KANK1: variants seen among roughly 807,000 people sequenced by gnomAD.
The protein encoded by KANK1 is KN motif and ankyrin repeat domains 1, also known as KN motif and ankyrin repeat domain-containing protein 1.
A neutral mutation model predicts 106.2 loss-of-function variants in KANK1; 109 were observed. The ratio of observed to expected loss-of-function variants is 1.03; its 90% CI spans 0.88 to 1.20. The LOEUF (loss-of-function observed/expected upper bound fraction) is 1.20. KANK1 is among the 50% of genes most tolerant of loss of function. The pLI is 0.00. For synonymous variants in KANK1, 873 were observed against 652.2 expected, an observed-to-expected ratio of 1.34 and a Z score of -5.16; for missense variants, 2,399 against 1,710.7, an observed-to-expected ratio of 1.40 and a Z score of -7.10.
intron 1 of KANK1, among the ~76,000 whole-genome samples, chr9:540,105 T>G (rs2060514767): frequency 6.6e-6 from 1 of 152,226 alleles, no homozygotes; most frequent in Non-Finnish European, 1.5e-5. Context: ...GCATCCTGTT[T>G]TGCTCCTGAT....
intron 1 of KANK1, among the ~76,000 whole-genome samples, chr9:659,433 C>A (rs1842830069): frequency 6.6e-6 from 1 of 152,092 alleles, no homozygotes; most frequent in African/African-American, 2.4e-5. Flanking sequence ...CTGGGATGGG[C>A]CCCAAAATTT....
At chr9:659,641 A>G (rs1842874639) in intron 1 of KANK1, among the ~76,000 whole-genome samples, 1 of 152,070 alleles carries the variant, frequency 6.6e-6, no homozygotes, top group Non-Finnish European at 1.5e-5. Context: ...GGAAACTTAC[A>G]GTCATGGTGG....
chr9:562,707 C>G (rs1816806394), intron 1 of KANK1, among the ~76,000 whole-genome samples: 1 of 152,164 alleles, frequency 6.6e-6, no homozygotes, highest in Non-Finnish European at 1.5e-5. Context: ...AAATGCTTTA[C>G]AAATATTAGT....
intron 3 of KANK1, among the ~76,000 whole-genome samples, chr9:729,597 C>A (rs902648859): frequency 6.6e-6 from 1 of 152,120 alleles, no homozygotes. Flanking sequence ...TCAGCCAGTA[C>A]CAGGTTATGG....
At chr9:519,747 G>A (rs2059461648) in intron 1 of KANK1, among the ~76,000 whole-genome samples, 1 of 151,716 alleles carries the variant, frequency 6.6e-6, no homozygotes, top group Admixed American at 6.6e-5. Flanking sequence ...CTTTGGAATG[G>A]TGAGCTGTTG....
In KANK1 at chr9:661,653, C is replaced by T. The variant is rs551157469; in HGVS notation, c.-83-15237C>T. 2.0e-5 allele frequency among the ~76,000 whole-genome samples: 3 copies of T among 152,232 alleles called. No homozygotes were observed. In the South Asian group the frequency reaches 6.2e-4, roughly 32 times the overall value. On this transcript the variant is annotated intron_variant, in intron 1 of 11. Transcript: ENST00000382297. Reference sequence around the variant, plus strand: ...GGGTATATATCCAGTAATGGGATCACTGGGTCAAGTGGTATTTCTAATTCT... The same window carrying T: ...GGGTATATATCCAGTAATGGGATCATTGGGTCAAGTGGTATTTCTAATTCT...
chr9:583,258 C>G (rs534999801), intron 1 of KANK1, among the ~76,000 whole-genome samples: 118 of 152,190 alleles, frequency 7.8e-4, no homozygotes, highest in African/African-American at 2.8e-3. Context: ...ACTTTATTGT[C>G]TATGGGTATC....
At chr9:577,945 G>C (rs965241045) in intron 1 of KANK1, among the ~76,000 whole-genome samples, 1 of 152,158 alleles carries the variant, frequency 6.6e-6, no homozygotes, top group Non-Finnish European at 1.5e-5. Context: ...GCCCCAAAGA[G>C]TGCTAGTTGT....
chr9:501,613 T>TACATACAC (rs1554722125), upstream of KANK1, among the ~76,000 whole-genome samples: 5 of 148,432 alleles, frequency 3.4e-5, no homozygotes, highest in Non-Finnish European at 6.0e-5. Context: ...CGCACAGACA[T>TACATACAC]ACACACACAC....
At chr9:581,274 G>A (rs754483331) in intron 1 of KANK1, among the ~76,000 whole-genome samples, 1 of 152,182 alleles carries the variant, frequency 6.6e-6, no homozygotes, top group African/African-American at 2.4e-5. Flanking sequence ...AGGGGGCGCC[G>A]AGAGCAGGCA....
chr9:655,103 C>G (rs1184423562), intron 1 of KANK1, among the ~76,000 whole-genome samples: 1 of 152,108 alleles, frequency 6.6e-6, no homozygotes, highest in East Asian at 1.9e-4. Flanking sequence ...GGCGTGGTAG[C>G]TCACGCCTGT....
At chr9:487,402 G>C (rs1448807724) in intron 3 of KANK1, among the ~76,000 whole-genome samples, 1 of 152,176 alleles carries the variant, frequency 6.6e-6, no homozygotes, top group Non-Finnish European at 1.5e-5. Context: ...TGTTCTGAGC[G>C]ATTTAAGGTA....
At chr9:557,735 A>C (rs1815205250) in intron 1 of KANK1, among the ~76,000 whole-genome samples, 1 of 152,212 alleles carries the variant, frequency 6.6e-6, no homozygotes, top group Non-Finnish European at 1.5e-5. Context: ...CTGTTTTGTA[A>C]AAGGACCTGT....
intron 1 of KANK1, chr9:540,604 C>T (rs573684628): frequency 2.6e-5 from 4 of 152,298 alleles, no homozygotes; most frequent in Admixed American, 2.0e-4. Context: ...TAATTCTTCT[C>T]TTTAAATATT....
rs779944529 is a variant in KANK1 at position 712,293 on chromosome 9, G to A, written c.1527G>A (p.Pro509=). ...KKVDKATMAQ[P]LVFSKVVEAV... ...TTGACAAAGCCACGATGGCCCAGCC[G>A]CTTGTTTTCAGTAAGGTGGTGGAGG... The change falls in exon 3 of 12, where the codon CCG becomes CCA. Residue 509 remains proline (P), a synonymous_variant. Transcript: ENST00000382297. 1.7e-5 allele frequency: 27 copies of A among 1,614,070 alleles called. No homozygotes were observed. The Admixed American group carries it at 3.3e-4, about 20-fold the overall frequency.
At chr9:736,979 C>G (rs371124346) in intron 7 of KANK1, among the ~76,000 whole-genome samples, 61 of 152,268 alleles carry the variant, frequency 4.0e-4, no homozygotes, top group African/African-American at 3.9e-4. Flanking sequence ...TCCAAATTGC[C>G]GAGCATGGTG....
At chr9:733,687 C>T (rs925618347) in intron 6 of KANK1, 1 of 152,222 alleles carries the variant, frequency 6.6e-6, no homozygotes, top group Non-Finnish European at 1.5e-5. Flanking sequence ...GTGGGAGGAT[C>T]ACTTGAACCC....
intron 3 of KANK1, among the ~76,000 whole-genome samples, chr9:479,734 C>T (rs1564111042): frequency 6.6e-6 from 1 of 152,178 alleles, no homozygotes; most frequent in Non-Finnish European, 1.5e-5. Flanking sequence ...GTTCCATTTC[C>T]CACACCAGGG....
intron 3 of KANK1, among the ~76,000 whole-genome samples, chr9:497,127 CAG>C (rs1564124079): frequency 2.0e-5 from 3 of 151,964 alleles, no homozygotes; most frequent in African/African-American, 7.3e-5. Context: ...TCCTTTCAAA[CAG>C]TTGTTTCCAG....
Sources: gnomAD v4.1 joint callset for allele counts (sites outside exome capture counted in the v4.1 genomes callset) on GRCh38, gnomAD v4.1.1 for gene constraint, MANE v1.5 for transcripts, NCBI Gene and HGNC (gene_info 2026-07-23, HGNC 2026-07-21) for gene names.